The following CHD1L variants were observed in gnomAD, a reference collection of about 807,000 sequenced individuals.
CHD1L encodes the protein chromodomain helicase DNA binding protein 1 like.
A neutral mutation model predicts 115.9 loss-of-function variants in CHD1L; 118 were observed. The observed-to-expected ratio is 1.02, with a 90% CI of 0.88 to 1.19. The LOEUF (loss-of-function observed/expected upper bound fraction) is 1.19. Ranked by LOEUF, CHD1L falls within the 50% of genes most tolerant of loss-of-function variation. The pLI, the probability that CHD1L is intolerant of heterozygous loss-of-function variation, is 0.00. For synonymous variants in CHD1L, 411 were observed against 387.1 expected (o/e 1.06, Z -0.72); for missense variants, 1,179 against 1,065.3 (o/e 1.11, Z -1.49).
At position 147,256,579 on chromosome 1, in the gene CHD1L, A is replaced by G. The variant is rs782456222; in HGVS notation, c.494+17A>G. 5.0e-6 allele frequency: 8 copies of G among 1,609,714 alleles called. No individual in the cohort carries two copies. The African/African-American group carries it at 9.4e-5, about 19-fold the overall frequency. On this transcript the variant is annotated intron_variant, in intron 5 of 22. Transcript: ENST00000369258. ...TCTAAAATCGTGAGTAGGTTGTACT[A>G]TTTAAGAACTTGGGTTGAATGTATT...
At chr1:147,243,560 C>G (rs1307324268) in intron 1 of CHD1L, among the ~76,000 whole-genome samples, 1 of 152,136 alleles carries the variant, frequency 6.6e-6, no homozygotes. Context: ...GACCGTACTT[C>G]CTGCAGCTCC....
chr1:147,217,245 A>AC, the CHD1L span, among the ~76,000 whole-genome samples: 1 of 151,360 alleles, frequency 6.6e-6, no homozygotes, highest in Non-Finnish European at 1.5e-5. Flanking sequence ...GTCTACAAAA[A>AC]AAAGAAAAAG....
Position 147,284,343 on chromosome 1 carries a change from GT to G in CHD1L, c.1706-6del, listed in dbSNP as rs782033435. On this transcript the variant is annotated splice_region_variant and splice_polypyrimidine_tract_variant and intron_variant, in intron 15 of 22. Coordinates refer to ENST00000369258, the MANE Select transcript of CHD1L (RefSeq NM_004284.6). ...TAACATTTCTCTCTTTGTGTTTTAT[GT>G]TGTTAGAAAATCATATGTACTTATT... The G allele has an allele frequency of 1.1e-4, 169 of 1,548,432 alleles. No individual in the cohort carries two copies. The highest frequency in any genetic ancestry group is 4.1e-5 in the Admixed American group (2 of 48,688).
At position 147,272,241 on chromosome 1, in the gene CHD1L, A is replaced by G; in HGVS notation, c.1230A>G (p.Gly410=). Residue 410 remains glycine, a synonymous_variant, in exon 12 of 23, where the codon GGA becomes GGG. Coordinates refer to ENST00000369258, the MANE Select transcript of CHD1L (RefSeq NM_004284.6). The part of the protein sequence containing the change: ...EERHLAIKNF[G]QQPIFVFLLS... ...GACACTTGGCCATTAAGAACTTTGG[A>G]CAGCAGCCCATTTTCGTTTTTCTCC... is the stretch of plus-strand genomic sequence containing the variant. 6.2e-7 allele frequency: 1 copy of G among 1,614,164 alleles called. No individual in the cohort carries two copies. Among genetic ancestry groups the G allele is most frequent in the Non-Finnish European group, 8.5e-7 (1 of 1,179,990 alleles).
At chr1:147,217,467 A>T in the CHD1L span, among the ~76,000 whole-genome samples, 1 of 152,192 alleles carries the variant, frequency 6.6e-6, no homozygotes, top group Admixed American at 6.5e-5. Context: ...AGAAATGAAC[A>T]GATATTGAGA....
At chr1:147,283,585 A>G (rs1325146477) in intron 15 of CHD1L, among the ~76,000 whole-genome samples, 2 of 152,176 alleles carry the variant, frequency 1.3e-5, no homozygotes, top group African/African-American at 2.4e-5. Context: ...ACAGTTGGAA[A>G]AATCAGACAC....
At chr1:147,272,518 G>C in intron 12 of CHD1L, 1 of 358,108 alleles carries the variant, frequency 2.8e-6, no homozygotes, top group Non-Finnish European at 5.0e-6. Context: ...ATTCTAATCT[G>C]CTTTGACCAT....
At chr1:147,174,229 A>G in the CHD1L span, among the ~76,000 whole-genome samples, 4 of 152,056 alleles carry the variant, frequency 2.6e-5, no homozygotes, top group East Asian at 7.7e-4. Flanking sequence ...CAAAATCTTT[A>G]TGTCTGAGTA....
the CHD1L span, among the ~76,000 whole-genome samples, chr1:147,232,478 T>G: frequency 1.8e-4 from 26 of 145,006 alleles, 1 homozygote; most frequent in Non-Finnish European, 3.0e-4. Flanking sequence ...AACCTCAACC[T>G]CTCCCTCTCC....
At chr1:147,229,256 T>C in the CHD1L span, among the ~76,000 whole-genome samples, 1 of 152,246 alleles carries the variant, frequency 6.6e-6, no homozygotes, top group Non-Finnish European at 1.5e-5. Flanking sequence ...CACCATTTAT[T>C]AAATAGGGAA....
At chr1:147,280,254 A>T (rs1680316574) in intron 15 of CHD1L, 63 bp downstream of exon 15, 1 of 1,488,412 alleles carries the variant, frequency 6.7e-7, no homozygotes, top group Non-Finnish European at 8.9e-7. Flanking sequence ...TCACGTCCCC[A>T]TGGAAAGTTT....
the CHD1L span, chr1:147,203,752 A>G: frequency 1.3e-6 from 2 of 1,532,522 alleles, no homozygotes; most frequent in Non-Finnish European, 1.8e-6. Context: ...TATTAACACC[A>G]TCATCTACTG....
chr1:147,227,981 T>G, the CHD1L span, among the ~76,000 whole-genome samples: 1 of 150,220 alleles, frequency 6.7e-6, no homozygotes, highest in East Asian at 2.0e-4. Context: ...GGTGCGATCT[T>G]GGCTCACTGC....
intron 15 of CHD1L, among the ~76,000 whole-genome samples, chr1:147,283,298 CTT>C (rs782406227): frequency 2.0e-5 from 3 of 151,278 alleles, no homozygotes; most frequent in East Asian, 1.9e-4. Flanking sequence ...CAATTGATCT[CTT>C]GAGAATGAAA....
At chr1:147,209,108 G>A in the CHD1L span, 1 of 1,466,782 alleles carries the variant, frequency 6.8e-7, no homozygotes, top group African/African-American at 1.4e-5. Context: ...ACCTTCAAAA[G>A]CACCCCCATT....
the CHD1L span, chr1:147,204,833 G>A: frequency 2.5e-6 from 4 of 1,602,912 alleles, no homozygotes; most frequent in South Asian, 4.4e-5. Flanking sequence ...TTGCAAGCTT[G>A]TATGTTTCTA....
intron 6 of CHD1L, 78 bp downstream of exon 6, chr1:147,259,996 A>G: frequency 8.7e-7 from 1 of 1,143,334 alleles, no homozygotes; most frequent in Admixed American, 2.1e-5. Context: ...GTAATTTTAG[A>G]TTCACAACAA....
the CHD1L span, chr1:147,179,645 A>T: frequency 1.5e-6 from 2 of 1,367,542 alleles, no homozygotes. Flanking sequence ...GGCAAACACC[A>T]CTTTGTAAAA....
chr1:147,199,989 A>T, the CHD1L span, among the ~76,000 whole-genome samples: 5 of 152,140 alleles, frequency 3.3e-5, no homozygotes, highest in Middle Eastern at 3.2e-3. Context: ...CTTTAGAAGG[A>T]CCCTTAAACA....
Sources: gnomAD v4.1 joint callset for allele counts (sites outside exome capture counted in the v4.1 genomes callset) on GRCh38, gnomAD v4.1.1 for gene constraint, MANE v1.5 for transcripts, NCBI Gene and HGNC (gene_info 2026-07-23, HGNC 2026-07-21) for gene names.